Variants in ZSWIM9 observed in about 807,000 individuals in gnomAD.
The protein encoded by ZSWIM9 is zinc finger SWIM-type containing 9.
ZSWIM9 carries 11 observed loss-of-function variants against 25.0 expected under a neutral mutation model. The observed-to-expected ratio is 0.44, with a 90% CI of 0.28 to 0.73. The LOEUF (loss-of-function observed/expected upper bound fraction) is 0.73, where lower values mean the gene tolerates loss of function less well. Ranked by LOEUF, ZSWIM9 falls within the 30% of genes least tolerant of loss-of-function variation. The pLI is 0.16. For missense variants in ZSWIM9, 1,070 were observed against 1,296.5 expected, an observed-to-expected ratio of 0.83 and a Z score of 2.68; for synonymous variants, 562 against 582.1, an observed-to-expected ratio of 0.97 and a Z score of 0.50.
At position 48,195,030 on chromosome 19, in the gene ZSWIM9, G is replaced by T. The variant is rs2037141302; in HGVS notation, c.966G>T (p.Leu322=). The part of the protein sequence containing the change: ...ARVQICRAQG[L]ETLFSKAQEL... ...TGCAGATCTGCCGCGCGCAGGGCCT[G>T]GAGACGCTCTTCAGCAAGGCGCAGG... The change falls in exon 4 of 4, where the codon CTG becomes CTT. Residue 322 remains leucine, a synonymous_variant. Coordinates refer to ENST00000614654, the MANE Select transcript of ZSWIM9 (RefSeq NM_199341.4). This position sits in a 1 kb window ranked among gnomAD's most constrained non-coding sequence, Gnocchi z 5.8. The T allele has an allele frequency of 7.2e-7, 1 of 1,380,012 alleles. No homozygotes were observed. The highest frequency in any genetic ancestry group is 1.5e-5 in the South Asian group (1 of 68,702). The allele number at this position is 1,380,012 out of a possible 1,614,324, so 85.5% of individuals were successfully genotyped here.
rs2037162201 is a variant in ZSWIM9 at position 48,196,128 on chromosome 19, TGAGAG to T, written c.2068_2072del (p.Arg690GlufsTer96). ...ACCAAAGGGGACCCCAGTGGGAAGA[TGAGAG>T]GAGGAGAGGGCCAGAGATTGCAGAG... is the stretch of plus-strand genomic sequence containing the variant. On this transcript the variant is annotated frameshift_variant, in exon 4 of 4. Coordinates refer to ENST00000614654, the MANE Select transcript of ZSWIM9 (RefSeq NM_199341.4). LOFTEE classifies it low-confidence loss of function (END_TRUNC). 2 of 1,230,864 alleles carry T rather than the reference TGAGAG, an allele frequency of 1.6e-6. No individual in the cohort carries two copies. Among genetic ancestry groups the T allele is most frequent in the South Asian group, 4.0e-5 (1 of 24,950 alleles). The allele number at this position is 1,230,864 out of a possible 1,614,324, so 76.2% of individuals were successfully genotyped here.
intron 2 of ZSWIM9, among the ~76,000 whole-genome samples, chr19:48,172,319 CTTT>C (rs750603853): frequency 7.0e-6 from 1 of 143,072 alleles, no homozygotes; most frequent in Non-Finnish European, 1.5e-5. Context: ...GACTTACAGA[CTTT>C]TTTTTTTTTT....
rs369454865 is a variant in ZSWIM9, at chr19:48,192,498, T to TATATATATATACACACAC, written c.589-2154_589-2153insTATATATATACACACACA. On this transcript the variant is annotated intron_variant, in intron 3 of 3. Coordinates refer to ENST00000614654, the MANE Select transcript of ZSWIM9 (RefSeq NM_199341.4). The stretch of plus-strand genomic sequence containing the variant: ...AAAAAAAAATATATATATATATATA[T>TATATATATATACACACAC]ACACACACACACACACACACATTTA... Among the ~76,000 whole-genome samples, 25 of 20,762 alleles carry TATATATATATACACACAC rather than the reference T, an allele frequency of 1.2e-3. 1 individual carries two copies. The highest frequency in any genetic ancestry group is 1.8e-3 in the Non-Finnish European group (17 of 9,694). The allele number at this position is 20,762 out of a possible 152,430, so 13.6% of individuals were successfully genotyped here. A position where few individuals can be genotyped will look rare whatever the true frequency, so the allele number is the denominator to read the frequency against.
In ZSWIM9 at chr19:48,194,634, T is replaced by A. The variant is rs2037134893; in HGVS notation, c.589-19T>A. On this transcript the variant is annotated intron_variant, in intron 3 of 3. Coordinates refer to ENST00000614654, the MANE Select transcript of ZSWIM9 (RefSeq NM_199341.4). This position sits in a 1 kb window ranked among gnomAD's most constrained non-coding sequence, Gnocchi z 6.0. ...GCATCCTCTGACCTCTTTCCTTGCC[T>A]CCCTGCCCCCGCCCGCAGGTGAAGC... The A allele has an allele frequency of 2.1e-6, 3 of 1,416,864 alleles. No homozygotes were observed. The highest frequency in any genetic ancestry group is 2.9e-5 in the East Asian group (1 of 34,384). The allele number at this position is 1,416,864 out of a possible 1,614,324, so 87.8% of individuals were successfully genotyped here. A position where few individuals can be genotyped will look rare whatever the true frequency, so the allele number is the denominator to read the frequency against.
At chr19:48,183,833 G>T (rs568446968) in intron 3 of ZSWIM9, among the ~76,000 whole-genome samples, 4 of 150,180 alleles carry the variant, frequency 2.7e-5, no homozygotes, top group East Asian at 2.0e-4. Flanking sequence ...ATGTTTGGCG[G>T]GGGGGGGTCT....
chr19:48,182,884 A>C lies in ZSWIM9; in HGVS notation c.588+117A>C, dbSNP rs1422520228. 1.3e-6 allele frequency: 1 copy of C among 766,134 alleles called. No homozygotes were observed. The highest frequency in any genetic ancestry group is 2.8e-5 in the Admixed American group (1 of 35,432). The allele number at this position is 766,134 out of a possible 1,614,324, so 47.5% of individuals were successfully genotyped here. On this transcript the variant is annotated intron_variant, in intron 3 of 3. Transcript: ENST00000614654. The surrounding 1 kb of genome is among the most constrained non-coding windows in gnomAD (Gnocchi z 4.6). The stretch of plus-strand genomic sequence containing the variant: ...ATCCCTTCACTCCTTTCCTCCATTC[A>C]TCCGTTCATTCATTCAATAAGTACT...
In ZSWIM9 at chr19:48,196,701, C is replaced by T; in HGVS notation, c.2637C>T (p.Ser879=). Residue 879 remains serine (S), a synonymous_variant, in exon 4 of 4, where the codon AGC becomes AGT. Transcript: ENST00000614654. ...TGGATGGGGCCCTGACACGCTGCAGCTGCTCAATTCACGCCGCCCGCCGTC... is the reference window on the plus strand; with the variant it reads ...TGGATGGGGCCCTGACACGCTGCAGTTGCTCAATTCACGCCGCCCGCCGTC... ...FFLDGALTRC[S]CSIHAARRLP... 8.1e-7 allele frequency: 1 copy of T among 1,232,994 alleles called. No homozygotes were observed. The highest frequency in any genetic ancestry group is 1.0e-6 in the Non-Finnish European group (1 of 988,634). 76.4% of individuals were successfully genotyped at this position (1,232,994 alleles called of 1,614,324 possible). A position where few individuals can be genotyped will look rare whatever the true frequency, so the allele number is the denominator to read the frequency against.
At chr19:48,189,195 G>A (rs912339641) in intron 3 of ZSWIM9, among the ~76,000 whole-genome samples, 1 of 152,188 alleles carries the variant, frequency 6.6e-6, no homozygotes, top group African/African-American at 2.4e-5. Context: ...TTACTTACAA[G>A]GTTAATCATT....
At chr19:48,170,950 G>A (rs1157643671) in intron 1 of ZSWIM9, among the ~76,000 whole-genome samples, 2 of 151,992 alleles carry the variant, frequency 1.3e-5, no homozygotes, top group Non-Finnish European at 2.9e-5. Flanking sequence ...GATGCATATT[G>A]CGGGGGATGG....
intron 2 of ZSWIM9, among the ~76,000 whole-genome samples, chr19:48,173,451 A>T (rs2036860975): frequency 6.6e-6 from 1 of 151,994 alleles, no homozygotes; most frequent in East Asian, 1.9e-4. Context: ...GGTGTGTGCC[A>T]CTATGCCCAC....
intron 3 of ZSWIM9, chr19:48,193,238 G>C (rs1298850698): frequency 6.5e-6 from 1 of 154,680 alleles, no homozygotes. Context: ...ATTGAGGAGA[G>C]GTCACTTGCC....
rs1296717561 is a variant in ZSWIM9 at position 48,194,585 on chromosome 19, G to C, written c.589-68G>C. On this transcript the variant is annotated intron_variant, in intron 3 of 3. Coordinates refer to ENST00000614654, the MANE Select transcript of ZSWIM9 (RefSeq NM_199341.4). This position sits in a 1 kb window ranked among gnomAD's most constrained non-coding sequence, Gnocchi z 6.0. ...TTCCGTAGAAGGGGAAACCGAGGTC[G>C]GGGAGCTGGGCGGGGAGACCCCAGC... The C allele has an allele frequency of 1.5e-6, 2 of 1,336,038 alleles. No homozygotes were observed. Among genetic ancestry groups the C allele is most frequent in the Non-Finnish European group, 1.9e-6 (2 of 1,040,936 alleles). The allele number at this position is 1,336,038 out of a possible 1,614,324, so 82.8% of individuals were successfully genotyped here.
chr19:48,189,228 T>C (rs1024393141), intron 3 of ZSWIM9, among the ~76,000 whole-genome samples: 8 of 152,244 alleles, frequency 5.3e-5, no homozygotes, highest in African/African-American at 1.9e-4. Context: ...AGCAGCAGAT[T>C]AGAAACAACC....
rs140713533 is a variant in ZSWIM9, at chr19:48,186,566, G to A, written c.588+3799G>A. 997 of 154,770 alleles carry A rather than the reference G, an allele frequency of 6.4e-3. 8 individuals carry two copies. The highest frequency in any genetic ancestry group is 0.021 in the African/African-American group (894 of 41,638). The allele number at this position is 154,770 out of a possible 1,614,324, so 9.6% of individuals were successfully genotyped here. A position where few individuals can be genotyped will look rare whatever the true frequency, so the allele number is the denominator to read the frequency against. On this transcript the variant is annotated intron_variant, in intron 3 of 3. Transcript: ENST00000614654. ...TCCACTCACCTTGGCCTCCTGAAGTGCTGGGATTACAGGTCGGGGCCACCA... is the reference window on the plus strand; with the variant it reads ...TCCACTCACCTTGGCCTCCTGAAGTACTGGGATTACAGGTCGGGGCCACCA...
chr19:48,171,643 A>G (rs2036813307), intron 1 of ZSWIM9, among the ~76,000 whole-genome samples, 151 bp from the exon 2 acceptor site: 1 of 152,102 alleles, frequency 6.6e-6, no homozygotes, highest in Non-Finnish European at 1.5e-5. Flanking sequence ...TGATATTTAT[A>G]TATTTGGAGA....
intron 3 of ZSWIM9, chr19:48,187,570 TATATATATTATATATTATATAATATA>T (rs2037042464): frequency 1.9e-4 from 2 of 10,372 alleles, no homozygotes; most frequent in East Asian, 6.6e-3. Context: ...TATATAATAT[TATATATATTATATATTATATAATATA>T]ATATTATATA....
At position 48,195,277 on chromosome 19, in the gene ZSWIM9, C is replaced by G; in HGVS notation, c.1213C>G (p.Leu405Val). The G allele has an allele frequency of 1.3e-6, 2 of 1,529,904 alleles. No homozygotes were observed. Among genetic ancestry groups the G allele is most frequent in the Non-Finnish European group, 1.7e-6 (2 of 1,143,924 alleles). 94.8% of individuals were successfully genotyped at this position (1,529,904 alleles called of 1,614,324 possible). A position where few individuals can be genotyped will look rare whatever the true frequency, so the allele number is the denominator to read the frequency against. The change falls in exon 4 of 4, where the codon CTG becomes GTG. Residue 405 changes from leucine to valine, a missense_variant. This residue lies in a region of ZSWIM9 where 184 missense variants were observed against 243.1 expected (regional missense o/e 0.76). Transcript: ENST00000614654. The surrounding 1 kb of genome is among the most constrained non-coding windows in gnomAD (Gnocchi z 5.8). ...GGCCAGAGACCTGGACGCGTGTGCCCTGGTGCGAGGCCACCGCCGGCGACT... is the reference window on the plus strand; with the variant it reads ...GGCCAGAGACCTGGACGCGTGTGCCGTGGTGCGAGGCCACCGCCGGCGACT... ...EAARDLDACA[L>V]VRGHRRRLLR...
chr19:48,191,429 TC>T (rs2037093516), intron 3 of ZSWIM9, among the ~76,000 whole-genome samples: 1 of 152,194 alleles, frequency 6.6e-6, no homozygotes, highest in African/African-American at 2.4e-5. Flanking sequence ...GGTCTTGAAC[TC>T]CTGACCTCAG....
At chr19:48,180,662 A>G (rs2036937811) in intron 2 of ZSWIM9, 1 of 152,132 alleles carries the variant, frequency 6.6e-6, no homozygotes, top group African/African-American at 2.4e-5. Flanking sequence ...GCACAGTTTC[A>G]GTGACTATGA....
Sources: allele counts gnomAD v4.1 joint callset (sites outside exome capture counted in the v4.1 genomes callset), GRCh38; gene constraint gnomAD v4.1.1; regional missense constraint gnomAD v4.1.1; non-coding constraint Gnocchi (gnomAD v3.1); transcripts MANE v1.5; gene names NCBI Gene and HGNC (gene_info 2026-07-23, HGNC 2026-07-21).